Variants in SLC36A1 observed in about 807,000 individuals in gnomAD.
SLC36A1 encodes the protein proton-coupled amino acid transporter 1.
In SLC36A1, 30 loss-of-function variants were observed where a neutral mutation model predicts 47.5. The ratio of observed to expected loss-of-function variants is 0.63; its 90% confidence interval spans 0.47 to 0.86. The LOEUF is 0.86. SLC36A1 is among the 40% of genes least tolerant of loss of function. The probability of loss-of-function intolerance (pLI) is 0.00; values close to 1 mark genes in which losing one functional copy is unlikely to be tolerated. For missense variants in SLC36A1, 517 were observed against 606.0 expected (o/e 0.85, Z 1.54); for synonymous variants, 255 against 249.7 (o/e 1.02, Z -0.20).
chr5:151,348,986 G>C, the SLC36A1 span, among the ~76,000 whole-genome samples: 1 of 152,184 alleles, frequency 6.6e-6, no homozygotes, highest in Non-Finnish European at 1.5e-5. Context: ...GATTTGAGAA[G>C]TGTTATTCCC....
the SLC36A1 span, among the ~76,000 whole-genome samples, chr5:151,508,534 AC>A: frequency 7.4e-4 from 112 of 152,188 alleles, 1 homozygote; most frequent in Admixed American, 1.4e-3. Flanking sequence ...GTATGGTGAA[AC>A]CCCGTATCTA....
chr5:151,368,977 C>T, the SLC36A1 span, among the ~76,000 whole-genome samples: 17 of 152,304 alleles, frequency 1.1e-4, no homozygotes, highest in South Asian at 2.7e-3. Flanking sequence ...CCAGCTGATA[C>T]GCATGCTTGC....
At chr5:151,458,662 A>T in intron 1 of SLC36A1, 126 bp from the exon 2 acceptor site, 1 of 1,029,566 alleles carries the variant, frequency 9.7e-7, no homozygotes, top group Non-Finnish European at 1.4e-6. Flanking sequence ...TTTCATACTT[A>T]ATCCATAGTG....
chr5:151,527,145 A>T, the SLC36A1 span: 1 of 1,312,042 alleles, frequency 7.6e-7, no homozygotes, highest in Non-Finnish European at 1.1e-6. Flanking sequence ...GTCATTGTTC[A>T]TGTGGACTAA....
At chr5:151,527,567 C>G in the SLC36A1 span, among the ~76,000 whole-genome samples, 1 of 152,082 alleles carries the variant, frequency 6.6e-6, no homozygotes, top group Admixed American at 6.5e-5. Flanking sequence ...ATTCCCTACT[C>G]AATCATTTGC....
At chr5:151,421,174 C>CCTCCCTTCCTTCCTTCCTTCCT in the SLC36A1 span, among the ~76,000 whole-genome samples, 1 of 138,804 alleles carries the variant, frequency 7.2e-6, no homozygotes, top group East Asian at 2.3e-4. Context: ...CGCCCTTTCT[C>CCTCCCTTCCTTCCTTCCTTCCT]TCCTTCCTTC....
chr5:151,470,226 A>G (rs992852340), intron 7 of SLC36A1, among the ~76,000 whole-genome samples: 3 of 152,188 alleles, frequency 2.0e-5, no homozygotes, highest in Non-Finnish European at 2.9e-5. Context: ...CACCTAGGAT[A>G]TACTCCACTG....
At chr5:151,404,672 T>C in the SLC36A1 span, among the ~76,000 whole-genome samples, 46 of 152,314 alleles carry the variant, frequency 3.0e-4, no homozygotes, top group African/African-American at 1.1e-3. Flanking sequence ...CTTATGAAAC[T>C]TAGTTTGGTG....
chr5:151,540,685 C>T, the SLC36A1 span: 26 of 1,614,094 alleles, frequency 1.6e-5, no homozygotes, highest in African/African-American at 8.0e-5. Flanking sequence ...TGTATGCTCG[C>T]GGTCCAGGGT....
the SLC36A1 span, among the ~76,000 whole-genome samples, chr5:151,534,085 G>C: frequency 2.0e-5 from 3 of 152,002 alleles, no homozygotes; most frequent in Non-Finnish European, 2.9e-5. Flanking sequence ...AAGTCTGATT[G>C]GTATATTTCT....
chr5:151,465,047 C>G, intron 4 of SLC36A1, 27 bp from the exon 5 acceptor site: 17 of 1,547,996 alleles, frequency 1.1e-5, no homozygotes, highest in Non-Finnish European at 1.4e-5. Context: ...CGTGCTCTGT[C>G]CTTCCTCTTC....
At chr5:151,511,479 G>A in the SLC36A1 span, 2 of 150,938 alleles carry the variant, frequency 1.3e-5, no homozygotes, top group Non-Finnish European at 2.9e-5. Flanking sequence ...TGGGTGTCGG[G>A]TGTGTGTGTG....
At chr5:151,527,074 A>G in the SLC36A1 span, among the ~76,000 whole-genome samples, 3 of 152,202 alleles carry the variant, frequency 2.0e-5, no homozygotes, top group African/African-American at 7.2e-5. Context: ...GATTCCCTTC[A>G]ATTCTATAAT....
chr5:151,542,795 C>A, the SLC36A1 span: 2 of 1,614,200 alleles, frequency 1.2e-6, no homozygotes, highest in Admixed American at 1.7e-5. Flanking sequence ...ACCAAGGACA[C>A]CACATCAGTG....
the SLC36A1 span, among the ~76,000 whole-genome samples, chr5:151,503,188 G>A: frequency 6.8e-6 from 1 of 147,866 alleles, no homozygotes; most frequent in Non-Finnish European, 1.5e-5. Flanking sequence ...CATAGAATGT[G>A]CAACACCAAG....
the SLC36A1 span, chr5:151,542,613 T>A: frequency 6.2e-7 from 1 of 1,614,086 alleles, no homozygotes; most frequent in South Asian, 1.1e-5. Context: ...TACCAGGGTC[T>A]GCAGACAGCC....
chr5:151,459,296 G>T (rs1412063067), intron 2 of SLC36A1, among the ~76,000 whole-genome samples: 1 of 152,148 alleles, frequency 6.6e-6, no homozygotes, highest in East Asian at 1.9e-4. Flanking sequence ...GTCTCCCCCC[G>T]AATTCTGCCC....
rs925479829 is a variant in SLC36A1, at chr5:151,491,744, C to T, written c.*3490C>T. The T allele has an allele frequency of 1.3e-5, 2 of 152,608 alleles. No homozygotes were observed. The highest frequency in any genetic ancestry group is 2.9e-5 in the Non-Finnish European group (2 of 68,036). The allele number at this position is 152,608 out of a possible 1,614,324, so 9.5% of individuals were successfully genotyped here. A position where few individuals can be genotyped will look rare whatever the true frequency, so the allele number is the denominator to read the frequency against. On this transcript the variant is annotated 3_prime_UTR_variant, in exon 11 of 11. Coordinates refer to ENST00000243389, the MANE Select transcript of SLC36A1 (RefSeq NM_078483.4). ...TGCTGGGTGCACAATGCTGCTTCCT[C>T]GAAGAGAAGACACAGAGTCCAAGTG...
chr5:151,421,174 C>CCTTCCTTCCTTCCT, the SLC36A1 span, among the ~76,000 whole-genome samples: 6,842 of 138,870 alleles, frequency 0.049, 309 homozygotes, highest in South Asian at 0.084. Flanking sequence ...CGCCCTTTCT[C>CCTTCCTTCCTTCCT]TCCTTCCTTC....
Sources: gnomAD v4.1 joint callset for allele counts (sites outside exome capture counted in the v4.1 genomes callset) on GRCh38, gnomAD v4.1.1 for gene constraint, MANE v1.5 for transcripts, NCBI Gene and HGNC (gene_info 2026-07-23, HGNC 2026-07-21) for gene names.